RPTOR: variants seen among roughly 807,000 people sequenced by gnomAD.
RPTOR encodes regulatory-associated protein of mTOR.
Under a neutral mutation model 169.9 loss-of-function variants are expected in RPTOR, and 21 were observed. That is an observed-to-expected ratio of 0.12 (90% CI 0.09 to 0.18). The LOEUF (loss-of-function observed/expected upper bound fraction) is 0.18. RPTOR is among the 10% of genes least tolerant of loss of function. The pLI is 1.00. For missense variants in RPTOR, 1,133 were observed against 1,855.9 expected (o/e 0.61, Z 7.16); for synonymous variants, 732 against 753.2 (o/e 0.97, Z 0.46).
chr17:80,761,796 C>T (rs149858876), intron 6 of RPTOR, among the ~76,000 whole-genome samples: 569 of 152,312 alleles, frequency 3.7e-3, no homozygotes, highest in Non-Finnish European at 5.2e-3. Context: ...AACAACAGTC[C>T]GATGACTTTG....
chr17:80,876,938 C>T lies in RPTOR; in HGVS notation c.1510-3477C>T, dbSNP rs1344930367. 1.7e-4 allele frequency among the ~76,000 whole-genome samples: 25 copies of T among 143,494 alleles called. No individual in the cohort carries two copies. The East Asian group carries it at 4.5e-3, about 26-fold the overall frequency. The allele number at this position is 143,494 out of a possible 152,430, so 94.1% of individuals were successfully genotyped here. A position where few individuals can be genotyped will look rare whatever the true frequency, so the allele number is the denominator to read the frequency against. On this transcript the variant is annotated intron_variant, in intron 13 of 33. Coordinates refer to ENST00000306801, the MANE Select transcript of RPTOR (RefSeq NM_020761.3). ...GCCTGCCGGGTCTTCCCACCGAGCC[C>T]GTGCCACTCAGGGTGTGTGTGTCGC...
rs564003978 is a variant in RPTOR, at chr17:80,695,136, G to A, written c.349-12705G>A. 6.6e-6 allele frequency among the ~76,000 whole-genome samples: 1 copy of A among 152,252 alleles called. No individual in the cohort carries two copies. Among genetic ancestry groups the A allele is most frequent in the South Asian group, 2.1e-4 (1 of 4,826 alleles). ...AGCCTCCTGTTTGTGAGGCAGGAGC[G>A]ATGGCAGTGCCCACTGCATGGTGGT... On this transcript the variant is annotated intron_variant, in intron 3 of 33. Coordinates refer to ENST00000306801, the MANE Select transcript of RPTOR (RefSeq NM_020761.3). This position sits in a 1 kb window ranked among gnomAD's most constrained non-coding sequence, Gnocchi z 4.9.
chr17:80,840,901 A>G (rs1481954976), intron 10 of RPTOR, among the ~76,000 whole-genome samples: 45 of 87,796 alleles, frequency 5.1e-4, no homozygotes, highest in South Asian at 9.8e-4. Context: ...CACACTCACC[A>G]CACGGCAGCT....
rs1567931958 is a variant in RPTOR at position 80,823,769 on chromosome 17, A to T, written c.1136+546A>T. The T allele has an allele frequency of 6.5e-6, 1 of 152,784 alleles. No homozygotes were observed. Among genetic ancestry groups the T allele is most frequent in the East Asian group, 1.9e-4 (1 of 5,200 alleles). 9.5% of individuals were successfully genotyped at this position (152,784 alleles called of 1,614,324 possible). On this transcript the variant is annotated intron_variant, in intron 9 of 33. Transcript: ENST00000306801. This position sits in a 1 kb window ranked among gnomAD's most constrained non-coding sequence, Gnocchi z 4.5. ...TATTTATACAACTCCTATTAGTAGTAACAGTGACAATAATGTGATTTGTTT... is the reference window on the plus strand; with the variant it reads ...TATTTATACAACTCCTATTAGTAGTTACAGTGACAATAATGTGATTTGTTT...
In RPTOR at chr17:80,726,074, G is replaced by A. The variant is rs1326015005; in HGVS notation, c.508-4486G>A. Among the ~76,000 whole-genome samples, 1 of 152,184 alleles carries A rather than the reference G, an allele frequency of 6.6e-6. No homozygotes were observed. The highest frequency in any genetic ancestry group is 2.4e-5 in the African/African-American group (1 of 41,438). ...CACAAGGAGCGGCCCGGCCCCAAAT[G>A]GCCCTGGTGCTGAGAGGGACAGACG... On this transcript the variant is annotated intron_variant, in intron 4 of 33. Transcript: ENST00000306801. This position sits in a 1 kb window ranked among gnomAD's most constrained non-coding sequence, Gnocchi z 4.5.
chr17:80,793,900 G>A (rs902284265), intron 7 of RPTOR, among the ~76,000 whole-genome samples: 15 of 152,302 alleles, frequency 9.8e-5, no homozygotes, highest in Admixed American at 4.6e-4. Flanking sequence ...TGCCTGGTTC[G>A]GGCAGGGCTG....
At chr17:80,798,997 C>A (rs56267058) in intron 7 of RPTOR, among the ~76,000 whole-genome samples, 1,864 of 152,212 alleles carry the variant, frequency 0.012, 32 homozygotes, top group African/African-American at 0.043. Context: ...CCATCACGTT[C>A]ACATCTGTGC....
At chr17:80,774,413 C>G in intron 6 of RPTOR, 1 of 932,574 alleles carries the variant, frequency 1.1e-6, no homozygotes, top group African/African-American at 1.8e-5. Context: ...TACTAATAAC[C>G]CAGGACTTGT....
chr17:80,857,174 C>A (rs915240950), intron 12 of RPTOR, among the ~76,000 whole-genome samples: 1 of 152,270 alleles, frequency 6.6e-6, no homozygotes. Context: ...CGCCCTCCCT[C>A]CCCTGCCTCT....
At chr17:80,822,146 A>G (rs2067386188) in intron 7 of RPTOR, 55 bp from the exon 8 acceptor site, 2 of 1,554,042 alleles carry the variant, frequency 1.3e-6, no homozygotes, top group Non-Finnish European at 1.8e-6. Context: ...CCTCTCTTCC[A>G]TTCCCTGCTC....
intron 24 of RPTOR, among the ~76,000 whole-genome samples, chr17:80,932,824 C>T (rs2068914566): frequency 6.6e-6 from 1 of 152,206 alleles, no homozygotes; most frequent in Non-Finnish European, 1.5e-5. Flanking sequence ...CACGTGCACA[C>T]ACACATATAC....
At chr17:80,817,264 TG>T (rs2067333709) in intron 7 of RPTOR, among the ~76,000 whole-genome samples, 1 of 152,158 alleles carries the variant, frequency 6.6e-6, no homozygotes, top group South Asian at 2.1e-4. Flanking sequence ...CCCGTCTGTC[TG>T]GCTCCCAAGT....
At chr17:80,953,306 G>A (rs1367633927) in intron 28 of RPTOR, among the ~76,000 whole-genome samples, 1 of 152,224 alleles carries the variant, frequency 6.6e-6, no homozygotes, top group Non-Finnish European at 1.5e-5. Context: ...GGTTCTTGCT[G>A]TCACCCAGGC....
intron 1 of RPTOR, among the ~76,000 whole-genome samples, chr17:80,622,889 T>A (rs1339203773): frequency 6.6e-6 from 1 of 152,042 alleles, no homozygotes; most frequent in African/African-American, 2.4e-5. Flanking sequence ...GGTGACAGAG[T>A]GAGACCCCAC....
chr17:80,571,081 G>T (rs1296721777), intron 1 of RPTOR, among the ~76,000 whole-genome samples: 1 of 152,134 alleles, frequency 6.6e-6, no homozygotes, highest in African/African-American at 2.4e-5. Context: ...ACACGTAAGA[G>T]GATTTAAGGA....
At chr17:80,817,022 C>T (rs1169417265) in intron 7 of RPTOR, among the ~76,000 whole-genome samples, 1 of 152,200 alleles carries the variant, frequency 6.6e-6, no homozygotes, top group African/African-American at 2.4e-5. Context: ...AGCAAGTGAA[C>T]ATAAGACCTG....
chr17:80,893,918 C>A, intron 20 of RPTOR, 53 bp downstream of exon 20: 2 of 1,491,012 alleles, frequency 1.3e-6, no homozygotes, highest in South Asian at 2.7e-5. Context: ...GTCTCCTCCC[C>A]ACACAGAGCA....
intron 3 of RPTOR, among the ~76,000 whole-genome samples, chr17:80,644,308 T>TG (rs1567836495): frequency 7.4e-5 from 1 of 13,450 alleles, no homozygotes; most frequent in African/African-American, 1.4e-3. Flanking sequence ...AGTGTGTGGG[T>TG]TTTTTTTTTT....
intron 9 of RPTOR, among the ~76,000 whole-genome samples, chr17:80,824,612 A>C (rs1309757568): frequency 6.6e-6 from 1 of 152,206 alleles, no homozygotes; most frequent in African/African-American, 2.4e-5. Flanking sequence ...AAAAGAAAAA[A>C]AAAGCTGAAG....
Sources: allele counts gnomAD v4.1 joint callset (sites outside exome capture counted in the v4.1 genomes callset), GRCh38; gene constraint gnomAD v4.1.1; non-coding constraint Gnocchi (gnomAD v3.1); transcripts MANE v1.5; gene names NCBI Gene and HGNC (gene_info 2026-07-23, HGNC 2026-07-21).